Variants in ANO1 observed in about 807,000 individuals in gnomAD.
ANO1 encodes anoctamin-1.
Under a neutral mutation model 124.0 loss-of-function variants are expected in ANO1, and 59 were observed. The ratio of observed to expected loss-of-function variants is 0.48; its 90% CI spans 0.39 to 0.59. The LOEUF (loss-of-function observed/expected upper bound fraction) is 0.59. Ranked by LOEUF, ANO1 falls within the 20% of genes least tolerant of loss-of-function variation. The pLI, the probability that ANO1 is intolerant of heterozygous loss-of-function variation, is 0.00. For synonymous variants in ANO1, 529 were observed against 532.0 expected (o/e 0.99, Z 0.08); for missense variants, 1,059 against 1,328.0 (o/e 0.80, Z 3.15).
At chr11:70,163,022 C>T (rs1236547563) in intron 18 of ANO1, among the ~76,000 whole-genome samples, 2 of 152,230 alleles carry the variant, frequency 1.3e-5, no homozygotes, top group South Asian at 2.1e-4. Context: ...GGCCCCTTCC[C>T]GCTGCCTCTC....
At position 70,097,672 on chromosome 11, in the gene ANO1, A is replaced by G. The variant is rs372919443; in HGVS notation, c.442-5394A>G. Among the ~76,000 whole-genome samples the G allele has an allele frequency of 2.0e-5, 3 of 152,302 alleles. No homozygotes were observed. The East Asian group carries it at 5.8e-4, about 29-fold the overall frequency. On this transcript the variant is annotated intron_variant, in intron 2 of 25. Transcript: ENST00000355303. ...CCCTCGTCCATATTTACTGAAGTGG[A>G]CACATCCATAGCTACCAAAAGGTTG...
At position 70,167,286 on chromosome 11, in the gene ANO1, GC is replaced by G. The variant is rs1565270546; in HGVS notation, c.2102del (p.Pro701LeufsTer7). 1 of 1,613,978 alleles carries G rather than the reference GC, an allele frequency of 6.2e-7. No individual in the cohort carries two copies. The highest frequency in any genetic ancestry group is 8.5e-7 in the Non-Finnish European group (1 of 1,179,878). ...LIRYLKLKQQ[S>X]PPDHEECVKR... Reference sequence around the variant, plus strand: ...CGCTACCTGAAGCTGAAGCAGCAGAGCCCCCCTGACCACGAGGAGTGTGTGA... The same window carrying G: ...CGCTACCTGAAGCTGAAGCAGCAGAGCCCCCTGACCACGAGGAGTGTGTGA... On this transcript the variant is annotated frameshift_variant, in exon 21 of 26. Coordinates refer to ENST00000355303, the MANE Select transcript of ANO1 (RefSeq NM_018043.7). LOFTEE classifies it high-confidence loss of function.
intron 16 of ANO1, among the ~76,000 whole-genome samples, chr11:70,160,946 A>G (rs1210755763): frequency 1.3e-5 from 2 of 152,186 alleles, no homozygotes; most frequent in South Asian, 2.1e-4. Context: ...GTCCTTGTCC[A>G]TGGAACAGAA....
At chr11:70,174,547 G>C (rs185089448) in intron 22 of ANO1, among the ~76,000 whole-genome samples, 1 of 152,336 alleles carries the variant, frequency 6.6e-6, no homozygotes, top group Non-Finnish European at 1.5e-5. Context: ...GCGCTGCTTT[G>C]AAAATTGGCA....
In ANO1 at chr11:70,058,894, C is replaced by T. The variant is rs544622920; in HGVS notation, c.59-19648C>T. 1.6e-4 allele frequency among the ~76,000 whole-genome samples: 24 copies of T among 152,030 alleles called. No homozygotes were observed. In the South Asian group the frequency reaches 4.4e-3, roughly 28 times the overall value. ...GGTGATTTGACTAATAAAAGCTGGA[C>T]TATTGTCCGCCGAGTGCGGTGGCTC... On this transcript the variant is annotated intron_variant, in intron 1 of 27. Coordinates refer to the ANO1 transcript ENST00000531349.
At chr11:70,101,674 T>TG (rs796451694) in intron 2 of ANO1, among the ~76,000 whole-genome samples, 1 of 150,920 alleles carries the variant, frequency 6.6e-6, no homozygotes, top group East Asian at 1.9e-4. Context: ...TATGTACTTG[T>TG]GTCAGACACT....
intron 1 of ANO1, among the ~76,000 whole-genome samples, chr11:70,009,610 A>AG (rs111629574): frequency 0.28 from 42,722 of 151,944 alleles, 6,534 homozygotes; most frequent in African/African-American, 0.41. Flanking sequence ...TAATTCACAA[A>AG]TAAAAAGGTT....
the ANO1 span, among the ~76,000 whole-genome samples, chr11:69,975,955 G>C: frequency 5.9e-5 from 9 of 152,130 alleles, no homozygotes; most frequent in Admixed American, 2.0e-4. Flanking sequence ...CCCTGCCCTT[G>C]GCCTTGCTGT....
At chr11:70,106,899 G>A (rs1221060492) in intron 5 of ANO1, among the ~76,000 whole-genome samples, 2 of 152,200 alleles carry the variant, frequency 1.3e-5, no homozygotes. Flanking sequence ...CCACTGTGCT[G>A]GTCTTGGATT....
At chr11:69,978,530 T>A in the ANO1 span, among the ~76,000 whole-genome samples, 1 of 152,174 alleles carries the variant, frequency 6.6e-6, no homozygotes, top group Non-Finnish European at 1.5e-5. Context: ...TTTGCATTGT[T>A]TTTAGAGGCA....
chr11:70,134,605 C>T (rs1041156655), intron 11 of ANO1, among the ~76,000 whole-genome samples: 13 of 152,178 alleles, frequency 8.5e-5, no homozygotes, highest in South Asian at 4.1e-4. Context: ...AAAACCTATA[C>T]GAGAGTGTGC....
intron 14 of ANO1, among the ~76,000 whole-genome samples, chr11:70,155,294 C>T (rs1332968073): frequency 6.6e-6 from 1 of 151,652 alleles, no homozygotes; most frequent in Non-Finnish European, 1.5e-5. Context: ...CCTCTGTGGC[C>T]CGTGGCTTGG....
intron 22 of ANO1, among the ~76,000 whole-genome samples, chr11:70,171,563 C>A (rs2048474107): frequency 6.6e-6 from 1 of 152,222 alleles, no homozygotes; most frequent in South Asian, 2.1e-4. Context: ...CTGTAGGGAT[C>A]AAAGCCAAGA....
At chr11:70,038,561 T>C (rs1555004692) in intron 1 of ANO1, among the ~76,000 whole-genome samples, 1 of 152,144 alleles carries the variant, frequency 6.6e-6, no homozygotes. Context: ...AGCACCCATT[T>C]CCAACAATTT....
chr11:70,185,231 T>C (rs2135858119), intron 24 of ANO1, among the ~76,000 whole-genome samples: 1 of 152,308 alleles, frequency 6.6e-6, no homozygotes, highest in African/African-American at 2.4e-5. Flanking sequence ...AGTGAGACCT[T>C]TTGGGAACAA....
At chr11:70,146,631 G>A (rs758050024) in intron 11 of ANO1, among the ~76,000 whole-genome samples, 1 of 152,170 alleles carries the variant, frequency 6.6e-6, no homozygotes, top group East Asian at 1.9e-4. Context: ...CCCACAATAG[G>A]CTGTCTGCAA....
At chr11:70,157,571 T>G (rs7926289) in intron 16 of ANO1, among the ~76,000 whole-genome samples, 2,118 of 152,158 alleles carry the variant, frequency 0.014, 51 homozygotes, top group African/African-American at 0.046. Context: ...AGGGAGTACA[T>G]GAGATGATTT....
At chr11:69,998,357 C>T (rs1388435126) in intron 1 of ANO1, among the ~76,000 whole-genome samples, 3 of 152,118 alleles carry the variant, frequency 2.0e-5, no homozygotes, top group Non-Finnish European at 2.9e-5. Flanking sequence ...ATAATTCTGC[C>T]TATTCTAGCT....
chr11:70,118,228 A>G (rs1346504409), intron 8 of ANO1, among the ~76,000 whole-genome samples: 2 of 133,302 alleles, frequency 1.5e-5, no homozygotes, highest in African/African-American at 5.7e-5. Flanking sequence ...TTCTCCAGCC[A>G]CACTGGCTGC....
Sources: gnomAD v4.1 joint callset for allele counts (sites outside exome capture counted in the v4.1 genomes callset) on GRCh38, gnomAD v4.1.1 for gene constraint, MANE v1.5 for transcripts, NCBI Gene and HGNC (gene_info 2026-07-23, HGNC 2026-07-21) for gene names.